The following HS6ST2 variants were observed in gnomAD, a reference collection of about 807,000 sequenced individuals.
HS6ST2 encodes heparan-sulfate 6-O-sulfotransferase 2.
In HS6ST2, 17 loss-of-function variants were observed where a neutral mutation model predicts 33.0. The observed-to-expected ratio is 0.52, with a 90% CI of 0.35 to 0.77. The LOEUF (loss-of-function observed/expected upper bound fraction) is 0.77, where lower values mean the gene tolerates loss of function less well. Among genes scored for constraint, HS6ST2 ranks in the 30% least tolerant of loss-of-function variants. The probability of loss-of-function intolerance (pLI) is 0.01; values close to 1 mark genes in which losing one functional copy is unlikely to be tolerated. For synonymous variants in HS6ST2, 248 were observed against 237.1 expected, an observed-to-expected ratio of 1.05 and a Z score of -0.42; for missense variants, 519 against 551.7, an observed-to-expected ratio of 0.94 and a Z score of 0.59.
chrX:132,824,030 T>C (rs1443249833), intron 2 of HS6ST2, among the ~76,000 whole-genome samples: 1 of 110,490 alleles, frequency 9.1e-6, no homozygotes, highest in Non-Finnish European at 1.9e-5. Flanking sequence ...TCTATTTTGG[T>C]AAATTTGGGG....
At chrX:132,657,763 T>C (rs1442872650) in intron 4 of HS6ST2, among the ~76,000 whole-genome samples, 4 of 104,729 alleles carry the variant, frequency 3.8e-5, no homozygotes, top group Non-Finnish European at 7.9e-5. Flanking sequence ...AAAGTAATTG[T>C]GGTGTTTGCC....
At chrX:132,812,446 A>ATAAT (rs1556452678) in intron 2 of HS6ST2, among the ~76,000 whole-genome samples, 1 of 77,952 alleles carries the variant, frequency 1.3e-5, no homozygotes, top group Non-Finnish European at 2.7e-5. Context: ...AATAATAATA[A>ATAAT]AATAATAATA....
chrX:132,680,472 C>G (rs941514818), intron 3 of HS6ST2, among the ~76,000 whole-genome samples: 1 of 111,547 alleles, frequency 9.0e-6, no homozygotes, highest in Non-Finnish European at 1.9e-5. Flanking sequence ...ATAGAGATCT[C>G]AGCTGAAGAA....
chrX:132,953,316 A>G (rs1398286821), intron 2 of HS6ST2, among the ~76,000 whole-genome samples: 1 of 111,776 alleles, frequency 8.9e-6, no homozygotes, highest in Non-Finnish European at 1.9e-5. Flanking sequence ...TTTTTTTTAA[A>G]GAAATATTAT....
intron 3 of HS6ST2, among the ~76,000 whole-genome samples, chrX:132,690,036 A>G (rs1216777610): frequency 8.9e-6 from 1 of 112,336 alleles, no homozygotes; most frequent in African/African-American, 3.2e-5. Flanking sequence ...ATGGCCAGAT[A>G]GTAAATCTTT....
At chrX:132,944,874 A>C (rs1337959556) in intron 2 of HS6ST2, among the ~76,000 whole-genome samples, 3 of 111,395 alleles carry the variant, frequency 2.7e-5, no homozygotes, top group Admixed American at 9.5e-5. Flanking sequence ...TAAAGACTTA[A>C]ATGTTAGACC....
chrX:132,869,397 G>A (rs1348761386), intron 2 of HS6ST2, among the ~76,000 whole-genome samples: 2 of 111,675 alleles, frequency 1.8e-5, no homozygotes, highest in East Asian at 2.8e-4. Context: ...AAAGAGGGAC[G>A]CCTCCCTAAC....
intron 2 of HS6ST2, among the ~76,000 whole-genome samples, chrX:132,826,929 T>G (rs1264382852): frequency 9.0e-6 from 1 of 111,248 alleles, no homozygotes; most frequent in Non-Finnish European, 1.9e-5. Flanking sequence ...TCAGGCCATC[T>G]CCTTCCAGCT....
intron 3 of HS6ST2, among the ~76,000 whole-genome samples, chrX:132,670,774 T>C (rs1375361082): frequency 7.1e-5 from 8 of 112,420 alleles, no homozygotes; most frequent in African/African-American, 2.6e-4. Flanking sequence ...AATTGTGCGA[T>C]TGCACTCCAG....
At chrX:132,821,507 T>C (rs1437956128) in intron 2 of HS6ST2, among the ~76,000 whole-genome samples, 1 of 110,137 alleles carries the variant, frequency 9.1e-6, no homozygotes, top group East Asian at 2.9e-4. Flanking sequence ...CCACCGCACT[T>C]GGCCCCCGTT....
chrX:132,836,866 A>G (rs1602731926), intron 2 of HS6ST2, among the ~76,000 whole-genome samples: 1 of 112,294 alleles, frequency 8.9e-6, no homozygotes, highest in East Asian at 2.8e-4. Context: ...ATAATTTTTC[A>G]TGAGAGGAGT....
At chrX:132,816,057 A>G (rs2065391743) in intron 2 of HS6ST2, among the ~76,000 whole-genome samples, 1 of 111,898 alleles carries the variant, frequency 8.9e-6, no homozygotes, top group Admixed American at 9.5e-5. Context: ...AGCACATAGC[A>G]TTACTCAACA....
intron 4 of HS6ST2, among the ~76,000 whole-genome samples, chrX:132,647,937 T>C (rs1290942159): frequency 3.6e-5 from 4 of 112,547 alleles, no homozygotes; most frequent in Non-Finnish European, 3.7e-5. Flanking sequence ...TCTTATGAGA[T>C]AGCAGTGTGA....
chrX:132,759,560 T>C (rs1234995022), intron 2 of HS6ST2, among the ~76,000 whole-genome samples: 1 of 111,115 alleles, frequency 9.0e-6, no homozygotes, highest in Non-Finnish European at 1.9e-5. Context: ...TTTGGGGTGC[T>C]GAAAATGTTT....
chrX:132,936,314 A>C (rs1304104734), intron 2 of HS6ST2, among the ~76,000 whole-genome samples: 4 of 112,016 alleles, frequency 3.6e-5, no homozygotes, highest in African/African-American at 1.3e-4. Flanking sequence ...AACTATAAAA[A>C]GTAAAGTGAT....
intron 2 of HS6ST2, among the ~76,000 whole-genome samples, chrX:132,925,986 G>C (rs2066706497): frequency 8.9e-6 from 1 of 111,900 alleles, no homozygotes; most frequent in South Asian, 3.8e-4. Context: ...GTAAGTGAAA[G>C]AGCCATCATG....
At chrX:132,832,474 C>T (rs1488863052) in intron 2 of HS6ST2, among the ~76,000 whole-genome samples, 3 of 111,690 alleles carry the variant, frequency 2.7e-5, no homozygotes, top group Non-Finnish European at 5.7e-5. Context: ...CCAGAGTACA[C>T]GGGGCCACAT....
At position 132,929,789 on chromosome X, in the gene HS6ST2, G is replaced by A. The variant is rs368197252; in HGVS notation, c.947+27019C>T. Among the ~76,000 whole-genome samples, 9 of 111,540 alleles carry A rather than the reference G, an allele frequency of 8.1e-5. No individual in the cohort carries two copies. The East Asian group carries it at 1.7e-3, about 21-fold the overall frequency. ...AGTTAGAAACTTCGACCTCCTCTCT[G>A]GAAAACTGATAGAAAAACTAGAGAG... On this transcript the variant is annotated intron_variant, in intron 2 of 4. Coordinates refer to ENST00000370833, the MANE Select transcript of HS6ST2 (RefSeq NM_001394073.1).
intron 3 of HS6ST2, among the ~76,000 whole-genome samples, chrX:132,675,609 G>A (rs780241605): frequency 1.3e-4 from 14 of 111,269 alleles, no homozygotes; most frequent in Admixed American, 4.8e-4. Context: ...GGTACCAAGA[G>A]ATTGGTGGCA....
Sources: allele counts gnomAD v4.1 joint callset (sites outside exome capture counted in the v4.1 genomes callset), GRCh38; gene constraint gnomAD v4.1.1; transcripts MANE v1.5; gene names NCBI Gene and HGNC (gene_info 2026-07-23, HGNC 2026-07-21).